The following HAMP variants were observed in gnomAD, a reference collection of about 807,000 sequenced individuals.
HAMP encodes hepcidin antimicrobial peptide, also known as hepcidin.
HAMP carries 5 observed loss-of-function variants against 7.8 expected under a neutral mutation model. That is an observed-to-expected ratio of 0.64 (90% confidence interval 0.33 to 1.34). The LOEUF (loss-of-function observed/expected upper bound fraction) is 1.34, where lower values mean the gene tolerates loss of function less well. HAMP is among the 40% of genes most tolerant of loss of function. The pLI is 0.05. For missense variants in HAMP, 105 were observed against 104.1 expected, an observed-to-expected ratio of 1.01 and a Z score of -0.04; for synonymous variants, 52 against 38.6, an observed-to-expected ratio of 1.35 and a Z score of -1.28.
intron 1 of HAMP, 84 bp from the exon 2 acceptor site, chr19:35,284,705 T>TG (rs992061036): frequency 2.0e-6 from 2 of 1,022,154 alleles, no homozygotes; most frequent in African/African-American, 3.1e-5. Context: ...TTAAACCACT[T>TG]GGAGAGGAGC....
In HAMP at chr19:35,282,632, G is replaced by A. The variant is rs1455648731; in HGVS notation, c.55G>A (p.Ala19Thr). Reference sequence around the variant, plus strand: ...TTGCCTCCTGCTCCTCCTCCTCCTCGCCAGCCTGACCAGTGGCTCTGTTTT... The same window carrying A: ...TTGCCTCCTGCTCCTCCTCCTCCTCACCAGCCTGACCAGTGGCTCTGTTTT... ...AACLLLLLLL[A>T]SLTSGSVFPQ... is the part of the protein sequence containing the mutation. Residue 19 changes from alanine (A) to threonine (T), a missense_variant, in exon 1 of 3, where the codon GCC becomes ACC. By Grantham distance (58) the Ala-to-Thr change is moderately conservative (BLOSUM62 0). Transcript: ENST00000222304. The A allele has an allele frequency of 4.3e-6, 7 of 1,614,024 alleles. No homozygotes were observed. In the East Asian group the frequency reaches 8.9e-5, roughly 21 times the overall value.
Position 35,282,567 on chromosome 19 carries a change from CAG to C in HAMP, c.-9_-8del. 6.2e-7 allele frequency: 1 copy of C among 1,611,544 alleles called. No individual in the cohort carries two copies. The highest frequency in any genetic ancestry group is 8.5e-7 in the Non-Finnish European group (1 of 1,177,622). ...AAGACCCAGCAGTGGGACAGCCAGA[CAG>C]ACGGCACGATGGCACTGAGCTCCCA... On this transcript the variant is annotated 5_prime_UTR_variant, in exon 1 of 3. Coordinates refer to ENST00000222304, the MANE Select transcript of HAMP (RefSeq NM_021175.4).
intron 1 of HAMP, 110 bp from the exon 2 acceptor site, chr19:35,284,679 C>T (rs1182337815): frequency 2.5e-6 from 2 of 815,492 alleles, no homozygotes; most frequent in South Asian, 2.7e-5. Context: ...CCTAAGAGTC[C>T]ATTTGAGCTC....
In HAMP at chr19:35,285,038, C is replaced by A; in HGVS notation, c.251C>A (p.Thr84Lys). 1.2e-6 allele frequency: 2 copies of A among 1,602,996 alleles called. No homozygotes were observed. The highest frequency in any genetic ancestry group is 1.1e-5 in the South Asian group (1 of 90,844). ...TCAAAGTGTGGGATGTGCTGCAAGA[C>A]GTAGAACCTACCTGCCCTGCCCCCG... ...HRSKCGMCCK[T>K] is the part of the protein sequence containing the mutation. The change falls in exon 3 of 3, where the codon ACG (threonine) becomes AAG (lysine). Residue 84 changes from threonine to lysine, a missense_variant. Coordinates refer to ENST00000222304, the MANE Select transcript of HAMP (RefSeq NM_021175.4).
chr19:35,284,885 T>TC (rs1223372122), intron 2 of HAMP, 37 bp downstream of exon 2: 15 of 1,605,860 alleles, frequency 9.3e-6, no homozygotes, highest in Middle Eastern at 1.6e-4. Flanking sequence ...AGCCCCCTGC[T>TC]CCCTCCCCAT....
rs756823291 is a variant in HAMP at position 35,285,011 on chromosome 19, G to A, written c.224G>A (p.Arg75Gln). The A allele has an allele frequency of 9.3e-6, 15 of 1,613,534 alleles. No homozygotes were observed. The highest frequency in any genetic ancestry group is 1.7e-5 in the Admixed American group (1 of 59,984). Residue 75 changes from arginine (R) to glutamine (Q), a missense_variant, in exon 3 of 3, where the codon CGA (arginine) becomes CAA (glutamine). Transcript: ENST00000222304. ...ATTTTCTGCTGCGGCTGCTGTCATCGATCAAAGTGTGGGATGTGCTGCAAG... is the reference window on the plus strand; with the variant it reads ...ATTTTCTGCTGCGGCTGCTGTCATCAATCAAAGTGTGGGATGTGCTGCAAG... ...ICIFCCGCCHRSKCGMCCKT is the reference protein window; with the variant it reads ...ICIFCCGCCHQSKCGMCCKT
chr19:35,283,802 T>C (rs2066314067), intron 1 of HAMP: 1 of 151,298 alleles, frequency 6.6e-6, no homozygotes, highest in Admixed American at 6.6e-5. Context: ...TAAGCTTTTT[T>C]TTTTTTTTCT....
At chr19:35,283,115 G>A (rs138454959) in intron 1 of HAMP, 14 of 264,490 alleles carry the variant, frequency 5.3e-5, no homozygotes, top group African/African-American at 2.2e-4. Flanking sequence ...ATGAAGCACC[G>A]AGTGACAGGG....
intron 1 of HAMP, 161 bp downstream of exon 1, chr19:35,282,828 C>T: frequency 1.5e-6 from 1 of 667,890 alleles, no homozygotes; most frequent in Non-Finnish European, 2.7e-6. Flanking sequence ...TGGCTCATGC[C>T]TGTAATCCCA....
intron 1 of HAMP, 96 bp from the exon 2 acceptor site, chr19:35,284,693 G>C: frequency 2.1e-6 from 2 of 934,334 alleles, no homozygotes; most frequent in Admixed American, 1.7e-5. Context: ...TGAGCTCTGG[G>C]TTTAAACCAC....
At chr19:35,284,881 C>T (rs2066319223) in intron 2 of HAMP, 33 bp downstream of exon 2, 1 of 1,607,092 alleles carries the variant, frequency 6.2e-7, no homozygotes, top group South Asian at 1.1e-5. Context: ...TCCTAGCCCC[C>T]TGCTCCCTCC....
chr19:35,284,798 C>T lies in HAMP; in HGVS notation c.100C>T (p.Leu34Phe), dbSNP rs140722547. 6.2e-7 allele frequency: 1 copy of T among 1,613,896 alleles called. No individual in the cohort carries two copies. The change falls in exon 2 of 3, where the codon CTT becomes TTT. Residue 34 changes from leucine (L) to phenylalanine (F), a missense_variant. Transcript: ENST00000222304. ...CCTTCTGCTTTCACAGACGGGACAA[C>T]TTGCAGAGCTGCAACCCCAGGACAG... ...GSVFPQQTGQLAELQPQDRAG... is the reference protein window; with the variant it reads ...GSVFPQQTGQFAELQPQDRAG...
rs1002696757 is a variant in HAMP at position 35,285,111 on chromosome 19, G to A, written c.*69G>A. 2.0e-6 allele frequency: 2 copies of A among 988,074 alleles called. No homozygotes were observed. The highest frequency in any genetic ancestry group is 3.2e-5 in the African/African-American group (2 of 62,874). The allele number at this position is 988,074 out of a possible 1,614,324, so 61.2% of individuals were successfully genotyped here. A position where few individuals can be genotyped will look rare whatever the true frequency, so the allele number is the denominator to read the frequency against. On this transcript the variant is annotated 3_prime_UTR_variant, in exon 3 of 3. Coordinates refer to ENST00000222304, the MANE Select transcript of HAMP (RefSeq NM_021175.4). The stretch of plus-strand genomic sequence containing the variant: ...CCTGCTGCCCCAGAACATAGGTCTT[G>A]GAATAAAATGGCTGGTTCTTTTGTT...
chr19:35,284,779 G>T lies in HAMP; in HGVS notation c.91-10G>T. ...CCTGCCATCCTCTGCACCCCCTTCT[G>T]CTTTCACAGACGGGACAACTTGCAG... On this transcript the variant is annotated splice_polypyrimidine_tract_variant and intron_variant, in intron 1 of 2. Transcript: ENST00000222304. 1 of 1,612,816 alleles carries T rather than the reference G, an allele frequency of 6.2e-7. No individual in the cohort carries two copies. Among genetic ancestry groups the T allele is most frequent in the Non-Finnish European group, 8.5e-7 (1 of 1,178,820 alleles).
At chr19:35,284,303 G>A (rs1255513967) in intron 1 of HAMP, 2 of 183,676 alleles carry the variant, frequency 1.1e-5, no homozygotes, top group African/African-American at 2.4e-5. Context: ...AAATTAGCCG[G>A]GTGTGGTGGC....
Position 35,284,994 on chromosome 19 carries a change from C to G in HAMP, c.207C>G (p.Cys69Trp). Residue 69 changes from cysteine (C) to tryptophan (W), a missense_variant, in exon 3 of 3, where the codon TGC becomes TGG. Coordinates refer to ENST00000222304, the MANE Select transcript of HAMP (RefSeq NM_021175.4). ...RDTHFPICIF[C>W]CGCCHRSKCG... The stretch of plus-strand genomic sequence containing the variant: ...CCCACTTCCCCATCTGCATTTTCTG[C>G]TGCGGCTGCTGTCATCGATCAAAGT... The G allele has an allele frequency of 6.2e-7, 1 of 1,614,016 alleles. No individual in the cohort carries two copies. Among genetic ancestry groups the G allele is most frequent in the Non-Finnish European group, 8.5e-7 (1 of 1,179,868 alleles).
intron 1 of HAMP, chr19:35,284,316 GCACC>G: frequency 4.1e-5 from 8 of 193,440 alleles, no homozygotes; most frequent in Admixed American, 2.6e-4. Flanking sequence ...GTGGTGGCGT[GCACC>G]TGCTGTCCCA....
intron 1 of HAMP, chr19:35,284,501 T>G: frequency 1.8e-6 from 1 of 553,890 alleles, no homozygotes; most frequent in Non-Finnish European, 3.2e-6. Flanking sequence ...GGGGCAAGAA[T>G]GCAGGGAGGT....
chr19:35,284,565 A>G, intron 1 of HAMP: 1 of 596,412 alleles, frequency 1.7e-6, no homozygotes, highest in South Asian at 2.0e-5. Flanking sequence ...ATCCCAAAGA[A>G]GAGTAGCAGC....
Sources: allele counts gnomAD v4.1 joint callset, GRCh38; gene constraint gnomAD v4.1.1; transcripts MANE v1.5; gene names NCBI Gene and HGNC (gene_info 2026-07-23, HGNC 2026-07-21).